The following FST variants were observed in gnomAD, a reference collection of about 807,000 sequenced individuals.
FST encodes the protein activin-binding protein.
In FST, 6 loss-of-function variants were observed where a neutral mutation model predicts 38.4. That is an observed-to-expected ratio of 0.16 (90% confidence interval 0.09 to 0.31). The LOEUF (loss-of-function observed/expected upper bound fraction) is 0.31, where lower values mean the gene tolerates loss of function less well. FST is among the 10% of genes least tolerant of loss of function. The pLI, the probability that FST is intolerant of heterozygous loss-of-function variation, is 1.00. For synonymous variants in FST, 157 were observed against 169.8 expected (o/e 0.92, Z 0.59); for missense variants, 301 against 432.3 (o/e 0.70, Z 2.69).
chr5:53,484,610 T>C (rs552843238), intron 4 of FST, among the ~76,000 whole-genome samples: 24 of 152,340 alleles, frequency 1.6e-4, no homozygotes, highest in African/African-American at 5.8e-4. Context: ...ACTTAGCAGT[T>C]CCAGAAATCT....
rs2112340319 is a variant in FST at position 53,483,917 on chromosome 5, A to G, written c.497-152A>G. 1 of 702,880 alleles carries G rather than the reference A, an allele frequency of 1.4e-6. No individual in the cohort carries two copies. 43.5% of individuals were successfully genotyped at this position (702,880 alleles called of 1,614,324 possible). On this transcript the variant is annotated intron_variant, in intron 3 of 5. Coordinates refer to ENST00000256759, the MANE Select transcript of FST (RefSeq NM_013409.3). The surrounding 1 kb of genome is among the most constrained non-coding windows in gnomAD (Gnocchi z 4.1). ...TTAAGAACACTGAGGGGACCAACCT[A>G]GTCATAGATTCTCTCTTGAAAACTA...
At position 53,483,530 on chromosome 5, in the gene FST, C is replaced by A; in HGVS notation, c.304C>A (p.Pro102Thr). ...AACGTGTGAGAACGTGGACTGTGGA[C>A]CTGGGAAAAAATGCCGAATGAACAA... ...KETCENVDCG[P>T]GKKCRMNKKN... Residue 102 changes from proline (P) to threonine (T), a missense_variant, in exon 3 of 6, where the codon CCT becomes ACT. Physicochemically the swap from Pro to Thr is conservative, Grantham distance 38 (BLOSUM62 -1). Transcript: ENST00000256759. The surrounding 1 kb of genome is among the most constrained non-coding windows in gnomAD (Gnocchi z 4.1). 6.2e-7 allele frequency: 1 copy of A among 1,614,024 alleles called. No homozygotes were observed. The highest frequency in any genetic ancestry group is 1.7e-4 in the Middle Eastern group (1 of 6,054).
Position 53,486,334 on chromosome 5 carries a change from G to C in FST, c.*301G>C, listed in dbSNP as rs1747549930. 1.0e-5 allele frequency: 2 copies of C among 200,998 alleles called. No homozygotes were observed. 12.5% of individuals were successfully genotyped at this position (200,998 alleles called of 1,614,324 possible). A position where few individuals can be genotyped will look rare whatever the true frequency, so the allele number is the denominator to read the frequency against. ...TTATAATTTATACATAAAATGTCTG[G>C]TTGACTGTATACCTTGTTTTTGAAG... On this transcript the variant is annotated 3_prime_UTR_variant, in exon 6 of 6. Transcript: ENST00000256759.
rs754720706 is a variant in FST at position 53,483,553 on chromosome 5, C to T, written c.327C>T (p.Asn109=). Residue 109 remains asparagine, a synonymous_variant, in exon 3 of 6, where the codon AAC becomes AAT. Coordinates refer to ENST00000256759, the MANE Select transcript of FST (RefSeq NM_013409.3). The surrounding 1 kb of genome is among the most constrained non-coding windows in gnomAD (Gnocchi z 4.1). ...GACCTGGGAAAAAATGCCGAATGAA[C>T]AAGAAGAACAAACCCCGCTGCGTCT... The part of the protein sequence containing the change: ...DCGPGKKCRM[N]KKNKPRCVCA... The T allele has an allele frequency of 1.2e-6, 2 of 1,614,172 alleles. No individual in the cohort carries two copies. The highest frequency in any genetic ancestry group is 3.3e-5 in the Admixed American group (2 of 60,024).
intron 5 of FST, 32 bp from the exon 6 acceptor site, chr5:53,485,919 A>G: frequency 6.2e-7 from 1 of 1,605,068 alleles, no homozygotes; most frequent in Non-Finnish European, 8.5e-7. Context: ...GTCCGTATTT[A>G]AACAACAGCT....
Position 53,486,210 on chromosome 5 carries a change from C to G in FST, c.*177C>G. On this transcript the variant is annotated 3_prime_UTR_variant, in exon 6 of 6. Coordinates refer to ENST00000256759, the MANE Select transcript of FST (RefSeq NM_013409.3). ...GTCCTAAAGCTCTCTCCCAGGCCAC[C>G]TTGTTACTCATTGGACACGGAGAGG... 6.5e-6 allele frequency: 3 copies of G among 463,012 alleles called. No individual in the cohort carries two copies. Among genetic ancestry groups the G allele is most frequent in the Non-Finnish European group, 1.1e-5 (3 of 268,250 alleles). The allele number at this position is 463,012 out of a possible 1,614,324, so 28.7% of individuals were successfully genotyped here.
In FST at chr5:53,486,072, CAAAAAAAAA is replaced by C. The variant is rs3083659; in HGVS notation, c.*52_*60del. On this transcript the variant is annotated 3_prime_UTR_variant, in exon 6 of 6. Transcript: ENST00000256759. ...GTTCAGTGTTGACATAGCCTTTGTGCAAAAAAAAAAAAAAAAAAAAAGAAAAAGAAAAAA... is the reference window on the plus strand; with the variant it reads ...GTTCAGTGTTGACATAGCCTTTGTGCAAAAAAAAAAAAGAAAAAGAAAAAA... 9.9e-4 allele frequency: 264 copies of C among 266,200 alleles called. 1 individual carries two copies. The highest frequency in any genetic ancestry group is 2.0e-3 in the Middle Eastern group (2 of 998). The allele number at this position is 266,200 out of a possible 1,614,324, so 16.5% of individuals were successfully genotyped here. A position where few individuals can be genotyped will look rare whatever the true frequency, so the allele number is the denominator to read the frequency against.
rs3083659 is a variant in FST at position 53,486,072 on chromosome 5, C to CAAAAAAAAAAAAAAAAAAAAAAAA, written c.*60_*61insAAAAAAAAAAAAAAAAAAAAAAAA. Reference sequence around the variant, plus strand: ...GTTCAGTGTTGACATAGCCTTTGTGCAAAAAAAAAAAAAAAAAAAAAGAAA... The same window carrying CAAAAAAAAAAAAAAAAAAAAAAAA: ...GTTCAGTGTTGACATAGCCTTTGTGCAAAAAAAAAAAAAAAAAAAAAAAAAAAAAAAAAAAAAAAAAAAAAGAAA... On this transcript the variant is annotated 3_prime_UTR_variant, in exon 6 of 6. Transcript: ENST00000256759. 4.4e-6 allele frequency: 1 copy of CAAAAAAAAAAAAAAAAAAAAAAAA among 227,268 alleles called. No homozygotes were observed. The highest frequency in any genetic ancestry group is 4.8e-5 in the African/African-American group (1 of 21,008). 14.1% of individuals were successfully genotyped at this position (227,268 alleles called of 1,614,324 possible).
chr5:53,482,552 AAT>A, intron 1 of FST: 1 of 370,782 alleles, frequency 2.7e-6, no homozygotes. Flanking sequence ...AGTAAAAGTC[AAT>A]GCAAGCTGCA....
chr5:53,483,084 C>T lies in FST; in HGVS notation c.277+13C>T. 2 of 1,591,546 alleles carry T rather than the reference C, an allele frequency of 1.3e-6. No individual in the cohort carries two copies. Among genetic ancestry groups the T allele is most frequent in the South Asian group, 2.2e-5 (2 of 89,476 alleles). On this transcript the variant is annotated intron_variant, in intron 2 of 5. Transcript: ENST00000256759. This position sits in a 1 kb window ranked among gnomAD's most constrained non-coding sequence, Gnocchi z 4.1. Reference sequence around the variant, plus strand: ...ATCCCCTGTAAAGGTAGGACTCCTTCTTCCCAACTTGCAGGCCCTCAGTAG... The same window carrying T: ...ATCCCCTGTAAAGGTAGGACTCCTTTTTCCCAACTTGCAGGCCCTCAGTAG...
In FST at chr5:53,484,242, A is replaced by G. The variant is rs773312878; in HGVS notation, c.670A>G (p.Thr224Ala). 15 of 1,610,852 alleles carry G rather than the reference A, an allele frequency of 9.3e-6. No homozygotes were observed. The highest frequency in any genetic ancestry group is 7.7e-5 in the South Asian group (7 of 91,032). The change falls in exon 4 of 6, where the codon ACC becomes GCC. Residue 224 changes from threonine (T) to alanine (A), a missense_variant. Transcript: ENST00000256759. Reference protein sequence around the residue: ...YSSACHLRKATCLLGRSIGLA... With the variant: ...YSSACHLRKAACLLGRSIGLA... ...CAGTGCCTGCCACCTGAGAAAGGCT[A>G]CCTGCCTGCTGGGCAGATCTATTGG...
rs138906433 is a variant in FST at position 53,483,025 on chromosome 5, G to A, written c.231G>A (p.Lys77=). ...ACGTGAATGACAACACACTCTTCAAGTGGATGATTTTCAACGGGGGCGCCC... is the reference window on the plus strand; with the variant it reads ...ACGTGAATGACAACACACTCTTCAAATGGATGATTTTCAACGGGGGCGCCC... The part of the protein sequence containing the change: ...EEDVNDNTLF[K]WMIFNGGAPN... Residue 77 remains lysine (K), a synonymous_variant, in exon 2 of 6, where the codon AAG becomes AAA. Coordinates refer to ENST00000256759, the MANE Select transcript of FST (RefSeq NM_013409.3). The surrounding 1 kb of genome is among the most constrained non-coding windows in gnomAD (Gnocchi z 4.1). 41 of 1,613,976 alleles carry A rather than the reference G, an allele frequency of 2.5e-5. No homozygotes were observed. Among genetic ancestry groups the A allele is most frequent in the Admixed American group, 5.0e-5 (3 of 60,004 alleles).
Position 53,483,450 on chromosome 5 carries a change from G to A in FST, c.278-54G>A. The A allele has an allele frequency of 1.4e-6, 2 of 1,440,336 alleles. No individual in the cohort carries two copies. Among genetic ancestry groups the A allele is most frequent in the Non-Finnish European group, 1.9e-6 (2 of 1,027,258 alleles). The allele number at this position is 1,440,336 out of a possible 1,614,324, so 89.2% of individuals were successfully genotyped here. On this transcript the variant is annotated intron_variant, in intron 2 of 5. Coordinates refer to ENST00000256759, the MANE Select transcript of FST (RefSeq NM_013409.3). The surrounding 1 kb of genome is among the most constrained non-coding windows in gnomAD (Gnocchi z 4.1). ...CAAGGCACCCGAAGCCCTCCTGGCTGACCTGCAGACTGCCTGGCTCTGGTT... is the reference window on the plus strand; with the variant it reads ...CAAGGCACCCGAAGCCCTCCTGGCTAACCTGCAGACTGCCTGGCTCTGGTT...
intron 5 of FST, 106 bp from the exon 6 acceptor site, chr5:53,485,845 G>C: frequency 1.9e-6 from 3 of 1,597,310 alleles, no homozygotes; most frequent in Non-Finnish European, 1.7e-6. Flanking sequence ...AAAATGCAAC[G>C]CTGTAATATG....
At chr5:53,482,134 G>A (rs1196686709) in intron 1 of FST, among the ~76,000 whole-genome samples, 1 of 152,226 alleles carries the variant, frequency 6.6e-6, no homozygotes, top group Non-Finnish European at 1.5e-5. Context: ...GGCTGCGCCT[G>A]GAGGCCGCGC....
At position 53,483,075 on chromosome 5, in the gene FST, G is replaced by A. The variant is rs1440012060; in HGVS notation, c.277+4G>A. Reference sequence around the variant, plus strand: ...CCCAACTGCATCCCCTGTAAAGGTAGGACTCCTTCTTCCCAACTTGCAGGC... The same window carrying A: ...CCCAACTGCATCCCCTGTAAAGGTAAGACTCCTTCTTCCCAACTTGCAGGC... On this transcript the variant is annotated splice_donor_region_variant and intron_variant, in intron 2 of 5. Transcript: ENST00000256759. The surrounding 1 kb of genome is among the most constrained non-coding windows in gnomAD (Gnocchi z 4.1). 1.9e-6 allele frequency: 3 copies of A among 1,604,492 alleles called. No individual in the cohort carries two copies. The South Asian group carries it at 3.3e-5, about 18-fold the overall frequency.
chr5:53,482,625 C>G (rs1747305058), intron 1 of FST: 2 of 464,034 alleles, frequency 4.3e-6, no homozygotes, highest in East Asian at 3.4e-5. Context: ...CTGTCTTCTC[C>G]CTCTCTCCCT....
At chr5:53,482,216 TTCTC>T (rs367632187) in intron 1 of FST, among the ~76,000 whole-genome samples, 61 of 151,952 alleles carry the variant, frequency 4.0e-4, no homozygotes, top group African/African-American at 1.4e-3. Context: ...CTTGATCTGT[TTCTC>T]TCTCTCTCTC....
Position 53,486,051 on chromosome 5 carries a change from AG to A in FST, c.*19del. 1 of 719,758 alleles carries A rather than the reference AG, an allele frequency of 1.4e-6. No homozygotes were observed. The allele number at this position is 719,758 out of a possible 1,614,324, so 44.6% of individuals were successfully genotyped here. A position where few individuals can be genotyped will look rare whatever the true frequency, so the allele number is the denominator to read the frequency against. On this transcript the variant is annotated 3_prime_UTR_variant, in exon 6 of 6. Coordinates refer to ENST00000256759, the MANE Select transcript of FST (RefSeq NM_013409.3). ...AGTGGTAAACTCTCTATAAGTGTTC[AG>A]TGTTGACATAGCCTTTGTGCAAAAA...
Sources: allele counts gnomAD v4.1 joint callset (sites outside exome capture counted in the v4.1 genomes callset), GRCh38; gene constraint gnomAD v4.1.1; non-coding constraint Gnocchi (gnomAD v3.1); transcripts MANE v1.5; gene names NCBI Gene and HGNC (gene_info 2026-07-23, HGNC 2026-07-21).